Variants in GSE1 observed in about 807,000 individuals in gnomAD.
The protein encoded by GSE1 is genetic suppressor element 1.
In GSE1, 32 loss-of-function variants were observed where a neutral mutation model predicts 112.6. That is an observed-to-expected ratio of 0.28 (90% CI 0.21 to 0.38). The LOEUF is 0.38. GSE1 is among the 10% of genes least tolerant of loss of function. The pLI is 1.00. For synonymous variants in GSE1, 1,115 were observed against 735.6 expected (o/e 1.52, Z -8.35); for missense variants, 2,348 against 1,699.2 (o/e 1.38, Z -6.71).
chr16:85,328,179 G>A (rs1414827221), intron 1 of GSE1, among the ~76,000 whole-genome samples: 1 of 152,238 alleles, frequency 6.6e-6, no homozygotes, highest in Admixed American at 6.5e-5. Context: ...CAGAACATAC[G>A]ACAGCAGAGT....
chr16:85,217,772 G>C (rs547016647), intron 1 of GSE1, among the ~76,000 whole-genome samples: 55 of 152,186 alleles, frequency 3.6e-4, no homozygotes, highest in Non-Finnish European at 6.9e-4. Context: ...ATTTTTCCCT[G>C]CTGCATCCTC....
At position 85,637,493 on chromosome 16, in the gene GSE1, C is replaced by T. The variant is rs188194238; in HGVS notation, c.226+3361C>T. Among the ~76,000 whole-genome samples the T allele has an allele frequency of 1.1e-4, 16 of 151,320 alleles. 1 individual carries two copies. The East Asian group carries it at 2.0e-3, about 19-fold the overall frequency. On this transcript the variant is annotated intron_variant, in intron 2 of 15. Transcript: ENST00000253458. ...CTTGATTGCAGCAGTGGCTATGTAT[C>T]GAGTCCCCCCTTGATCGCGGCAGTG...
intron 2 of GSE1, among the ~76,000 whole-genome samples, chr16:85,522,259 A>G (rs1195067609): frequency 6.6e-6 from 1 of 151,944 alleles, no homozygotes; most frequent in East Asian, 1.9e-4. Context: ...CTTTCCCTGC[A>G]CTGCGCCCTT....
intron 1 of GSE1, among the ~76,000 whole-genome samples, chr16:85,271,169 C>T (rs1908792328): frequency 6.6e-6 from 1 of 151,986 alleles, no homozygotes; most frequent in Admixed American, 6.6e-5. Flanking sequence ...GTATAAATAT[C>T]CCAGATCCCT....
At chr16:85,639,372 C>A (rs1460093346) in intron 2 of GSE1, among the ~76,000 whole-genome samples, 1 of 152,180 alleles carries the variant, frequency 6.6e-6, no homozygotes, top group African/African-American at 2.4e-5. Flanking sequence ...GCACAGACAC[C>A]CAACCACCCC....
At chr16:85,285,890 C>T (rs2045010034) in intron 1 of GSE1, 2 of 152,358 alleles carry the variant, frequency 1.3e-5, no homozygotes, top group Middle Eastern at 6.8e-3. Context: ...CACAAGGAAC[C>T]ACGTGGGAAA....
intron 1 of GSE1, among the ~76,000 whole-genome samples, chr16:85,589,449 T>C (rs770016044): frequency 2.6e-5 from 4 of 152,086 alleles, no homozygotes; most frequent in African/African-American, 9.7e-5. Context: ...CTGGGCACTT[T>C]TGGAAGAACT....
intron 1 of GSE1, among the ~76,000 whole-genome samples, chr16:85,229,661 A>C (rs555555605): frequency 6.6e-6 from 1 of 152,352 alleles, no homozygotes; most frequent in East Asian, 1.9e-4. Context: ...TTGGCTCCAG[A>C]AGCCGTGCTC....
intron 1 of GSE1, among the ~76,000 whole-genome samples, chr16:85,320,673 CA>C (rs1389128247): frequency 6.6e-6 from 1 of 151,798 alleles, no homozygotes; most frequent in Non-Finnish European, 1.5e-5. Context: ...GACCGTATTT[CA>C]AAAAAAGGTC....
Position 85,373,515 on chromosome 16 carries a change from G to C in GSE1, c.2464+15872G>C, listed in dbSNP as rs1264745054. Among the ~76,000 whole-genome samples the C allele has an allele frequency of 1.3e-5, 2 of 152,158 alleles. No homozygotes were observed. Among genetic ancestry groups the C allele is most frequent in the Admixed American group, 6.5e-5 (1 of 15,282 alleles). Reference sequence around the variant, plus strand: ...TTTGTGAAGTAGGGATGCTGTGGCAGCTGCCTCCCGGGGCCCCTGGGAGAA... The same window carrying C: ...TTTGTGAAGTAGGGATGCTGTGGCACCTGCCTCCCGGGGCCCCTGGGAGAA... On this transcript the variant is annotated intron_variant, in intron 2 of 2. Coordinates refer to the GSE1 transcript ENST00000637419. The surrounding 1 kb of genome is among the most constrained non-coding windows in gnomAD (Gnocchi z 5.1).
intron 2 of GSE1, among the ~76,000 whole-genome samples, chr16:85,477,661 A>G (rs555074856): frequency 6.6e-6 from 1 of 151,300 alleles, no homozygotes. Flanking sequence ...GCTGGGTTCA[A>G]GTGATTCTCC....
chr16:85,178,946 A>G (rs1567591134), intron 1 of GSE1, among the ~76,000 whole-genome samples: 2 of 152,058 alleles, frequency 1.3e-5, no homozygotes, highest in Non-Finnish European at 2.9e-5. Flanking sequence ...AGGTGGGAAT[A>G]GGGACTGTGG....
chr16:85,311,721 A>C lies in GSE1; in HGVS notation c.2284-45742A>C, dbSNP rs527550758. On this transcript the variant is annotated intron_variant, in intron 1 of 2. Transcript: ENST00000637419. This position sits in a 1 kb window ranked among gnomAD's most constrained non-coding sequence, Gnocchi z 4.2. ...ATACCTCCTGCCTGCTTCATTTCCC[A>C]GATGTCTTAGGACCTGAGGTGGTGC... Among the ~76,000 whole-genome samples the C allele has an allele frequency of 1.2e-3, 175 of 151,962 alleles. No individual in the cohort carries two copies. Among genetic ancestry groups the C allele is most frequent in the African/African-American group, 4.0e-3 (165 of 41,426 alleles).
intron 1 of GSE1, chr16:85,207,965 G>A (rs2075149876): frequency 6.6e-6 from 1 of 152,066 alleles, no homozygotes; most frequent in Non-Finnish European, 1.5e-5. Context: ...CCTGCATCCA[G>A]GCCCGGGTGA....
chr16:85,247,932 C>T (rs1212930665), intron 1 of GSE1, among the ~76,000 whole-genome samples: 1 of 152,222 alleles, frequency 6.6e-6, no homozygotes, highest in Admixed American at 6.5e-5. Flanking sequence ...TGGTGGCTTC[C>T]ATCTTGTCAC....
chr16:85,464,816 C>A (rs1304921673), intron 2 of GSE1, among the ~76,000 whole-genome samples: 1 of 152,198 alleles, frequency 6.6e-6, no homozygotes, highest in Non-Finnish European at 1.5e-5. Context: ...AGGATGCCGG[C>A]TGGAGAGGCC....
intron 2 of GSE1, among the ~76,000 whole-genome samples, chr16:85,445,773 C>T (rs1393465100): frequency 6.6e-6 from 1 of 152,192 alleles, no homozygotes; most frequent in Non-Finnish European, 1.5e-5. Flanking sequence ...GGTGGCTGGC[C>T]TGCTCCCATT....
intron 1 of GSE1, among the ~76,000 whole-genome samples, chr16:85,619,663 C>T (rs1435410292): frequency 1.3e-5 from 2 of 152,206 alleles, no homozygotes; most frequent in Non-Finnish European, 2.9e-5. Flanking sequence ...GACTGTATTT[C>T]TGTATCCAGA....
upstream of GSE1, among the ~76,000 whole-genome samples, chr16:85,554,288 CCTT>C (rs1258207354): frequency 6.6e-6 from 1 of 152,046 alleles, no homozygotes; most frequent in East Asian, 1.9e-4. Context: ...TCACATGGGG[CCTT>C]CTTGAGCTGG....
Sources: gnomAD v4.1 joint callset for allele counts (sites outside exome capture counted in the v4.1 genomes callset) on GRCh38, gnomAD v4.1.1 for gene constraint, Gnocchi (gnomAD v3.1) non-coding constraint, MANE v1.5 for transcripts, NCBI Gene and HGNC (gene_info 2026-07-23, HGNC 2026-07-21) for gene names.